APOOL: variants seen among roughly 807,000 people sequenced by gnomAD.
The protein encoded by APOOL is apolipoprotein O like, also known as MICOS complex subunit MIC27.
In APOOL, 12 loss-of-function variants were observed where a neutral mutation model predicts 23.1. The ratio of observed to expected loss-of-function variants is 0.52; its 90% confidence interval spans 0.33 to 0.84. The LOEUF (loss-of-function observed/expected upper bound fraction) is 0.84. Among genes scored for constraint, APOOL ranks in the 40% least tolerant of loss-of-function variants. The probability of loss-of-function intolerance (pLI) is 0.02; values close to 1 mark genes in which losing one functional copy is unlikely to be tolerated. For missense variants in APOOL, 212 were observed against 199.6 expected (o/e 1.06, Z -0.37); for synonymous variants, 77 against 69.9 (o/e 1.10, Z -0.51).
rs1361208308 is a variant in APOOL at position 85,011,153 on chromosome X, C to G, written c.15+7226C>G. ...GACATTTGCATATTTTGAGAATTGT[C>G]TATTCATGACCTTCACCTACTTTTT... On this transcript the variant is annotated intron_variant, in intron 1 of 8. Transcript: ENST00000373173. 2.7e-5 allele frequency among the ~76,000 whole-genome samples: 3 copies of G among 111,442 alleles called. No individual in the cohort carries two copies. The Admixed American group carries it at 2.9e-4, about 11-fold the overall frequency.
At chrX:85,079,375 T>C (rs992051618) in intron 8 of APOOL, among the ~76,000 whole-genome samples, 3 of 112,129 alleles carry the variant, frequency 2.7e-5, no homozygotes, top group African/African-American at 9.7e-5. Context: ...TGGTTCTGTT[T>C]ATATGCTGGA....
At chrX:85,068,396 C>CTTTTTTTTTTTT (rs776359466) in intron 6 of APOOL, among the ~76,000 whole-genome samples, 1 of 93,199 alleles carries the variant, frequency 1.1e-5, no homozygotes, top group Admixed American at 1.2e-4. Context: ...GATTCTTCTT[C>CTTTTTTTTTTTT]TTTTTTTTTT....
At chrX:85,037,585 T>A (rs984412684) in intron 1 of APOOL, among the ~76,000 whole-genome samples, 1 of 111,471 alleles carries the variant, frequency 9.0e-6, no homozygotes, top group African/African-American at 3.3e-5. Context: ...CAAACTGTAC[T>A]ATAAGGCTAT....
chrX:85,088,072 A>ATATT lies in APOOL; in HGVS notation c.*397_*398insTTAT, dbSNP rs1924385693. The ATATT allele has an allele frequency of 5.0e-3, 1 of 200 alleles. No individual in the cohort carries two copies. The highest frequency in any genetic ancestry group is 8.8e-3 in the Non-Finnish European group (1 of 114). The allele number at this position is 200 out of a possible 1,213,427, so 0.0% of individuals were successfully genotyped here. A position where few individuals can be genotyped will look rare whatever the true frequency, so the allele number is the denominator to read the frequency against. ...TATTTATACATATATGTATAAATAC[A>ATATT]TATACATATATGTATAAATACATAT... On this transcript the variant is annotated 3_prime_UTR_variant, in exon 9 of 9. Transcript: ENST00000373173.
At chrX:85,056,579 A>G (rs760654026) in intron 5 of APOOL, among the ~76,000 whole-genome samples, 1 of 110,442 alleles carries the variant, frequency 9.1e-6, no homozygotes, top group South Asian at 3.9e-4. Context: ...CCCTGTCTCT[A>G]CTAAAAATAC....
At chrX:85,085,149 CTT>C (rs1924245523) in intron 8 of APOOL, among the ~76,000 whole-genome samples, 2 of 111,822 alleles carry the variant, frequency 1.8e-5, no homozygotes, top group Middle Eastern at 4.6e-3. Flanking sequence ...GGTCTAATAA[CTT>C]TTAATTTTTA....
At chrX:85,010,645 A>C (rs773148092) in intron 1 of APOOL, among the ~76,000 whole-genome samples, 2 of 111,007 alleles carry the variant, frequency 1.8e-5, no homozygotes, top group African/African-American at 6.5e-5. Context: ...ATGTTCTCCA[A>C]CTTCATCTGG....
intron 1 of APOOL, among the ~76,000 whole-genome samples, chrX:85,021,618 C>T (rs760241991): frequency 1.8e-5 from 2 of 111,284 alleles, no homozygotes; most frequent in South Asian, 7.6e-4. Flanking sequence ...CCTCTCTCAG[C>T]ACCAGGCCAG....
chrX:85,042,434 A>G (rs1031743062), intron 1 of APOOL, among the ~76,000 whole-genome samples: 3 of 112,104 alleles, frequency 2.7e-5, no homozygotes, highest in African/African-American at 6.5e-5. Context: ...CAGACAGATA[A>G]CAATGAGATG....
intron 1 of APOOL, among the ~76,000 whole-genome samples, chrX:85,013,525 C>A (rs1346379614): frequency 4.5e-5 from 5 of 111,375 alleles, no homozygotes; most frequent in Non-Finnish European, 9.4e-5. Flanking sequence ...AGTTGTGTTA[C>A]TGTTATTCAG....
At chrX:85,022,340 A>C (rs1257830048) in intron 1 of APOOL, among the ~76,000 whole-genome samples, 2 of 112,179 alleles carry the variant, frequency 1.8e-5, no homozygotes, top group African/African-American at 3.2e-5. Context: ...GTCTTCAACA[A>C]AATACTAGTA....
chrX:85,077,308 A>G (rs1923896372), intron 8 of APOOL, among the ~76,000 whole-genome samples: 1 of 105,622 alleles, frequency 9.5e-6, no homozygotes, highest in Admixed American at 1.0e-4. Context: ...CACCCTGTGT[A>G]CAAGTGTTCT....
At chrX:85,049,450 A>G (rs1314689303) in intron 2 of APOOL, among the ~76,000 whole-genome samples, 2 of 111,645 alleles carry the variant, frequency 1.8e-5, no homozygotes, top group Non-Finnish European at 3.8e-5. Context: ...AGAAAACTAC[A>G]TATACAAAAT....
chrX:85,038,608 C>T (rs764645245), intron 1 of APOOL, among the ~76,000 whole-genome samples: 12 of 90,030 alleles, frequency 1.3e-4, no homozygotes, highest in East Asian at 3.5e-4. Context: ...TTCTGTGTTC[C>T]GAGTTTTAAT....
At chrX:85,061,093 T>G (rs1031842507) in intron 5 of APOOL, among the ~76,000 whole-genome samples, 1 of 111,165 alleles carries the variant, frequency 9.0e-6, no homozygotes, top group East Asian at 2.8e-4. Flanking sequence ...AGCATGAAGA[T>G]TTGTTGAATT....
At chrX:85,044,315 C>T (rs1043178453) in intron 1 of APOOL, among the ~76,000 whole-genome samples, 1 of 109,167 alleles carries the variant, frequency 9.2e-6, no homozygotes, top group Non-Finnish European at 1.9e-5. Flanking sequence ...GAGTTTTGCT[C>T]TTGTTGCCCA....
At chrX:85,024,543 G>A (rs1452986301) in intron 1 of APOOL, among the ~76,000 whole-genome samples, 2 of 112,515 alleles carry the variant, frequency 1.8e-5, no homozygotes, top group Non-Finnish European at 3.7e-5. Context: ...CAAAGTTAGA[G>A]TGTTGCCAGT....
intron 1 of APOOL, among the ~76,000 whole-genome samples, chrX:85,025,825 G>A (rs954182444): frequency 1.8e-5 from 2 of 112,795 alleles, no homozygotes; most frequent in African/African-American, 6.4e-5. Flanking sequence ...GATTGGATTT[G>A]AATGACTGTA....
chrX:85,071,047 C>T (rs1923649580), intron 6 of APOOL, among the ~76,000 whole-genome samples: 1 of 111,553 alleles, frequency 9.0e-6, no homozygotes, highest in Non-Finnish European at 1.9e-5. Flanking sequence ...ACATTATACT[C>T]AGTGAAATAA....
Sources: gnomAD v4.1 joint callset for allele counts (sites outside exome capture counted in the v4.1 genomes callset) on GRCh38, gnomAD v4.1.1 for gene constraint, MANE v1.5 for transcripts, NCBI Gene and HGNC (gene_info 2026-07-23, HGNC 2026-07-21) for gene names.